The following CDH18 variants were observed in gnomAD, a reference collection of about 807,000 sequenced individuals.
CDH18 encodes the protein cadherin-18.
In CDH18, 31 loss-of-function variants were observed where a neutral mutation model predicts 67.9. The ratio of observed to expected loss-of-function variants is 0.46; its 90% CI spans 0.34 to 0.62. CDH18 has a LOEUF of 0.62. CDH18 is among the 20% of genes least tolerant of loss of function. The pLI is 0.01. For missense variants in CDH18, 890 were observed against 975.5 expected (o/e 0.91, Z 1.17); for synonymous variants, 362 against 347.2 (o/e 1.04, Z -0.48).
rs189818290 is a variant in CDH18, at chr5:19,781,560, T to C, written c.229-34324A>G. On this transcript the variant is annotated intron_variant, in intron 3 of 12. Coordinates refer to ENST00000382275, the MANE Select transcript of CDH18 (RefSeq NM_004934.5). ...TTATTGAGGAATAAGTTCTAACTAA[T>C]CTTGTGGGGGTTTTTTTATTATATA... Among the ~76,000 whole-genome samples, 152 of 152,300 alleles carry C rather than the reference T, an allele frequency of 1.0e-3. 2 individuals carry two copies. The highest frequency in any genetic ancestry group is 6.8e-3 in the Middle Eastern group (2 of 294).
chr5:20,372,546 T>C (rs981914009), intron 1 of CDH18, among the ~76,000 whole-genome samples: 1 of 152,192 alleles, frequency 6.6e-6, no homozygotes, highest in African/African-American at 2.4e-5. Context: ...ATGTATGTGA[T>C]TTGGAAATCA....
At chr5:20,369,024 T>C (rs1339197529) in intron 1 of CDH18, among the ~76,000 whole-genome samples, 2 of 152,176 alleles carry the variant, frequency 1.3e-5, no homozygotes, top group African/African-American at 2.4e-5. Flanking sequence ...GGGACTCAGC[T>C]TTCACTTAGA....
At chr5:20,406,774 T>A (rs1349466734) in intron 1 of CDH18, among the ~76,000 whole-genome samples, 1 of 152,162 alleles carries the variant, frequency 6.6e-6, no homozygotes, top group African/African-American at 2.4e-5. Context: ...AACCCCAAGC[T>A]CTTCTTCCCA....
chr5:19,850,313 A>T (rs1783541529), intron 2 of CDH18, among the ~76,000 whole-genome samples: 1 of 151,916 alleles, frequency 6.6e-6, no homozygotes, highest in African/African-American at 2.4e-5. Flanking sequence ...GAGGCACGAA[A>T]TTTAATACCT....
intron 2 of CDH18, among the ~76,000 whole-genome samples, chr5:20,110,201 G>A (rs1747340449): frequency 6.6e-6 from 1 of 152,176 alleles, no homozygotes; most frequent in African/African-American, 2.4e-5. Flanking sequence ...GTCTACCAAA[G>A]TACATAATGT....
rs4002268 is a variant in CDH18, at chr5:19,604,530, AACACACACACACACACACACACACAC to A, written c.811+7878_811+7903del. Among the ~76,000 whole-genome samples, 12 of 145,198 alleles carry A rather than the reference AACACACACACACACACACACACACAC, an allele frequency of 8.3e-5. No individual in the cohort carries two copies. The East Asian group carries it at 2.2e-3, about 27-fold the overall frequency. ...GCTGAGAATGCTAATTTCAAATTAA[AACACACACACACACACACACACACAC>A]ACACACACACACACACACACAAAGT... On this transcript the variant is annotated intron_variant, in intron 6 of 12. Transcript: ENST00000382275.
intron 8 of CDH18, among the ~76,000 whole-genome samples, chr5:19,546,639 A>G (rs2127103633): frequency 6.6e-6 from 1 of 152,300 alleles, no homozygotes; most frequent in Non-Finnish European, 1.5e-5. Flanking sequence ...TTGCAATACA[A>G]CCAACCCCAT....
intron 1 of CDH18, among the ~76,000 whole-genome samples, chr5:20,519,822 T>G (rs574989190): frequency 6.6e-6 from 1 of 151,948 alleles, no homozygotes; most frequent in African/African-American, 2.4e-5. Context: ...CAGGTCAGAC[T>G]TCTTGTTGGC....
intron 5 of CDH18, among the ~76,000 whole-genome samples, chr5:19,694,934 A>G (rs1332770564): frequency 1.3e-5 from 2 of 152,092 alleles, no homozygotes; most frequent in African/African-American, 4.8e-5. Flanking sequence ...GATTTCTAGA[A>G]AATGTTAAGA....
chr5:20,556,675 T>G (rs768458311), intron 1 of CDH18, among the ~76,000 whole-genome samples: 47 of 152,130 alleles, frequency 3.1e-4, no homozygotes, highest in Admixed American at 1.1e-3. Flanking sequence ...TTCAAAGCAT[T>G]AGTGGATTAT....
intron 10 of CDH18, among the ~76,000 whole-genome samples, chr5:19,509,337 G>A (rs1744748225): frequency 6.6e-6 from 1 of 152,004 alleles, no homozygotes; most frequent in Non-Finnish European, 1.5e-5. Context: ...AACCTGTTGG[G>A]CACAATGTTC....
chr5:19,505,213 T>A (rs1463664655), intron 10 of CDH18, among the ~76,000 whole-genome samples: 2 of 152,120 alleles, frequency 1.3e-5, no homozygotes, highest in Non-Finnish European at 2.9e-5. Context: ...TAAGGAGATT[T>A]TGGGCTGAGA....
intron 3 of CDH18, among the ~76,000 whole-genome samples, chr5:19,782,106 A>G (rs774194931): frequency 3.3e-5 from 5 of 152,190 alleles, no homozygotes; most frequent in Admixed American, 6.5e-5. Context: ...ACACTTTTAT[A>G]TAGTACTGCC....
intron 1 of CDH18, among the ~76,000 whole-genome samples, chr5:20,310,481 A>T (rs1351132344): frequency 6.6e-6 from 1 of 152,188 alleles, no homozygotes; most frequent in African/African-American, 2.4e-5. Flanking sequence ...AACAGACCAG[A>T]ATTCTGCAGC....
At chr5:20,245,971 T>C (rs904889354) in intron 2 of CDH18, among the ~76,000 whole-genome samples, 4 of 152,178 alleles carry the variant, frequency 2.6e-5, no homozygotes, top group African/African-American at 9.6e-5. Flanking sequence ...ATTATTGTCC[T>C]TGTTTTAATG....
chr5:20,506,544 A>G (rs1206929432), intron 1 of CDH18, among the ~76,000 whole-genome samples: 1 of 152,174 alleles, frequency 6.6e-6, no homozygotes, highest in East Asian at 1.9e-4. Context: ...GTAAGTGGGG[A>G]TGCAGATCCT....
At chr5:19,522,192 T>C (rs1463901040) in intron 9 of CDH18, among the ~76,000 whole-genome samples, 1 of 152,024 alleles carries the variant, frequency 6.6e-6, no homozygotes, top group Non-Finnish European at 1.5e-5. Context: ...ACATAATCAC[T>C]CAAGAACATA....
intron 1 of CDH18, among the ~76,000 whole-genome samples, chr5:20,347,675 T>C (rs550501715): frequency 1.3e-5 from 2 of 152,342 alleles, no homozygotes; most frequent in Non-Finnish European, 2.9e-5. Flanking sequence ...TTGCTAAATA[T>C]AATATTGTTA....
At chr5:20,154,968 T>C (rs1049375723) in intron 2 of CDH18, among the ~76,000 whole-genome samples, 1 of 152,156 alleles carries the variant, frequency 6.6e-6, no homozygotes, top group Non-Finnish European at 1.5e-5. Context: ...TCTCATCCAA[T>C]ATCAACCTGA....
Sources: allele counts gnomAD v4.1 joint callset (sites outside exome capture counted in the v4.1 genomes callset), GRCh38; gene constraint gnomAD v4.1.1; transcripts MANE v1.5; gene names NCBI Gene and HGNC (gene_info 2026-07-23, HGNC 2026-07-21).